The following RORA variants were observed in gnomAD, a reference collection of about 807,000 sequenced individuals.
RORA encodes the protein RAR related orphan receptor A, also known as nuclear receptor ROR-alpha.
Under a neutral mutation model 69.5 loss-of-function variants are expected in RORA, and 7 were observed. That is an observed-to-expected ratio of 0.10 (90% CI 0.06 to 0.19). RORA has a LOEUF of 0.19. RORA is among the 10% of genes least tolerant of loss of function. The pLI, the probability that RORA is intolerant of heterozygous loss-of-function variation, is 1.00. For synonymous variants in RORA, 261 were observed against 240.8 expected, an observed-to-expected ratio of 1.08 and a Z score of -0.78; for missense variants, 457 against 663.0, an observed-to-expected ratio of 0.69 and a Z score of 3.41.
intron 1 of RORA, among the ~76,000 whole-genome samples, chr15:60,798,539 C>A (rs1225344440): frequency 6.6e-6 from 1 of 151,780 alleles, no homozygotes; most frequent in Non-Finnish European, 1.5e-5. Flanking sequence ...GCAAGGTACC[C>A]TAAGCAAGAA....
intron 2 of RORA, among the ~76,000 whole-genome samples, chr15:60,631,808 G>C (rs1469464637): frequency 6.6e-6 from 1 of 152,194 alleles, no homozygotes; most frequent in East Asian, 1.9e-4. Flanking sequence ...GTGTGGGTTA[G>C]AGGGAATTAC....
chr15:60,990,869 G>A (rs1202999981), intron 1 of RORA, among the ~76,000 whole-genome samples: 1 of 152,074 alleles, frequency 6.6e-6, no homozygotes, highest in Non-Finnish European at 1.5e-5. Flanking sequence ...AAAATACAAG[G>A]CAAGCAAAAA....
chr15:60,945,485 A>G (rs1182418208), intron 1 of RORA, among the ~76,000 whole-genome samples: 2 of 152,194 alleles, frequency 1.3e-5, no homozygotes, highest in Non-Finnish European at 2.9e-5. Flanking sequence ...TGGAAAGGAT[A>G]AGGCTCTCCA....
At chr15:60,816,859 A>AT (rs2072824959) in intron 1 of RORA, among the ~76,000 whole-genome samples, 1 of 152,070 alleles carries the variant, frequency 6.6e-6, no homozygotes, top group Non-Finnish European at 1.5e-5. Flanking sequence ...ATGGGTTAAC[A>AT]TTTTTATTGT....
chr15:60,766,635 TA>T (rs1311869947), intron 1 of RORA, among the ~76,000 whole-genome samples: 1 of 151,786 alleles, frequency 6.6e-6, no homozygotes, highest in Admixed American at 6.6e-5. Context: ...ACTTGCTGTT[TA>T]ATAGATTGCC....
At chr15:60,702,103 G>T (rs2070990223) in intron 1 of RORA, among the ~76,000 whole-genome samples, 1 of 152,196 alleles carries the variant, frequency 6.6e-6, no homozygotes, top group Admixed American at 6.5e-5. Context: ...TTGAGGCTGG[G>T]ATCAGTGCTT....
intron 1 of RORA, among the ~76,000 whole-genome samples, chr15:61,060,108 G>A (rs746344466): frequency 2.0e-4 from 30 of 152,210 alleles, no homozygotes; most frequent in South Asian, 1.2e-3. Context: ...AGGGGTTTCC[G>A]TATTATTTGA....
intron 1 of RORA, among the ~76,000 whole-genome samples, chr15:60,841,475 C>CCT (rs1379394474): frequency 1.3e-5 from 2 of 151,910 alleles, no homozygotes; most frequent in South Asian, 2.1e-4. Flanking sequence ...TTTCTCTCTC[C>CCT]CTCTCTCTCT....
At chr15:60,817,596 A>C (rs2072835789) in intron 1 of RORA, among the ~76,000 whole-genome samples, 1 of 152,174 alleles carries the variant, frequency 6.6e-6, no homozygotes, top group East Asian at 1.9e-4. Flanking sequence ...TTCTTCAGTA[A>C]CACCAGGTCC....
chr15:60,756,973 C>T lies in RORA; in HGVS notation c.167-78287G>A, dbSNP rs140273148. On this transcript the variant is annotated intron_variant, in intron 1 of 10. Transcript: ENST00000335670. ...TATAATCCATGAATATTAGTAAATACTATATTCAATTAATTTTGTAATAAA... is the reference window on the plus strand; with the variant it reads ...TATAATCCATGAATATTAGTAAATATTATATTCAATTAATTTTGTAATAAA... Among the ~76,000 whole-genome samples, 379 of 152,202 alleles carry T rather than the reference C, an allele frequency of 2.5e-3. 4 individuals are homozygous for T. Among genetic ancestry groups the T allele is most frequent in the South Asian group, 0.02 (96 of 4,822 alleles).
intron 1 of RORA, among the ~76,000 whole-genome samples, chr15:61,098,884 C>T (rs552310432): frequency 1.5e-4 from 23 of 152,318 alleles, no homozygotes; most frequent in South Asian, 4.1e-4. Flanking sequence ...GAATTAAGAG[C>T]ATAAGTCTTT....
intron 1 of RORA, among the ~76,000 whole-genome samples, chr15:61,078,574 T>C (rs2078489396): frequency 6.6e-6 from 1 of 152,148 alleles, no homozygotes. Flanking sequence ...ATTATGATCC[T>C]TTCACAGAGA....
intron 1 of RORA, among the ~76,000 whole-genome samples, chr15:60,779,063 C>T (rs1174700508): frequency 6.6e-6 from 1 of 152,104 alleles, no homozygotes; most frequent in Non-Finnish European, 1.5e-5. Context: ...TGAATTACTC[C>T]CATTTTATAG....
chr15:60,510,378 GCCC>G (rs2065656205), intron 5 of RORA: 1 of 152,194 alleles, frequency 6.6e-6, no homozygotes, highest in Admixed American at 6.5e-5. Flanking sequence ...ATGGAAAGTT[GCCC>G]ATTGTCTGTG....
At chr15:61,026,307 AATT>A (rs1489749037) in intron 1 of RORA, among the ~76,000 whole-genome samples, 10 of 152,228 alleles carry the variant, frequency 6.6e-5, no homozygotes, top group Admixed American at 6.5e-4. Context: ...GAGTTCACGA[AATT>A]ATTAGATTCA....
chr15:60,538,057 G>C (rs571297813), intron 2 of RORA, among the ~76,000 whole-genome samples: 3 of 152,258 alleles, frequency 2.0e-5, no homozygotes, highest in Admixed American at 6.5e-5. Flanking sequence ...GCCTCAGGAG[G>C]GTTAAATGGC....
chr15:60,817,196 C>T (rs77459203), intron 1 of RORA, among the ~76,000 whole-genome samples: 1,867 of 152,248 alleles, frequency 0.012, 42 homozygotes, highest in African/African-American at 0.043. Flanking sequence ...ATTGTGGGTT[C>T]GGTCTCTAGA....
At chr15:60,704,493 A>G (rs1189467603) in intron 1 of RORA, among the ~76,000 whole-genome samples, 1 of 152,238 alleles carries the variant, frequency 6.6e-6, no homozygotes, top group East Asian at 1.9e-4. Context: ...TCTGTTGGGC[A>G]AGGTTTTCTG....
At chr15:60,779,249 G>A (rs2072218971) in intron 1 of RORA, among the ~76,000 whole-genome samples, 1 of 152,140 alleles carries the variant, frequency 6.6e-6, no homozygotes, top group South Asian at 2.1e-4. Flanking sequence ...TTGTCTCCCT[G>A]GAGTGATCCG....
Sources: allele counts gnomAD v4.1 joint callset (sites outside exome capture counted in the v4.1 genomes callset), GRCh38; gene constraint gnomAD v4.1.1; transcripts MANE v1.5; gene names NCBI Gene and HGNC (gene_info 2026-07-23, HGNC 2026-07-21).